The following DNAJC3 variants were observed in gnomAD, a reference collection of about 807,000 sequenced individuals.
The protein encoded by DNAJC3 is DnaJ heat shock protein family (Hsp40) member C3.
Under a neutral mutation model 68.6 loss-of-function variants are expected in DNAJC3, and 38 were observed. The ratio of observed to expected loss-of-function variants is 0.55; its 90% confidence interval spans 0.43 to 0.73. DNAJC3 has a LOEUF of 0.73. Among genes scored for constraint, DNAJC3 ranks in the 30% least tolerant of loss-of-function variants. DNAJC3 has a pLI of 0.00. For missense variants in DNAJC3, 526 were observed against 591.9 expected (o/e 0.89, Z 1.16); for synonymous variants, 203 against 204.0 (o/e 1.00, Z 0.04).
chr13:95,692,977 G>C (rs1880320494), intron 1 of DNAJC3: 1 of 152,034 alleles, frequency 6.6e-6, no homozygotes, highest in Admixed American at 6.5e-5. Context: ...CCCGCCACTG[G>C]GCCCAGCTAA....
Position 95,786,064 on chromosome 13 carries a change from G to C in DNAJC3, c.1201G>C (p.Val401Leu), listed in dbSNP as rs771083554. The change falls in exon 10 of 12, where the codon GTA becomes CTA. Residue 401 changes from valine (V) to leucine (L), a missense_variant. Coordinates refer to ENST00000602402, the MANE Select transcript of DNAJC3 (RefSeq NM_006260.5). The part of the protein sequence containing the change: ...QKRDYYKILG[V>L]KRNAKKQEII... ...ACGAGATTATTATAAAATCTTGGGA[G>C]TAAAAAGGTGAATTATTAATTTAAA... 5 of 1,596,278 alleles carry C rather than the reference G, an allele frequency of 3.1e-6. No homozygotes were observed. In the Admixed American group the frequency reaches 9.0e-5, roughly 29 times the overall value.
intron 11 of DNAJC3, among the ~76,000 whole-genome samples, chr13:95,788,810 G>A (rs1342360192): frequency 6.6e-6 from 1 of 152,164 alleles, no homozygotes; most frequent in Non-Finnish European, 1.5e-5. Context: ...TAACACCCTA[G>A]ATTAATTTTG....
At chr13:95,755,510 G>A (rs1882627725) in intron 4 of DNAJC3, among the ~76,000 whole-genome samples, 1 of 151,890 alleles carries the variant, frequency 6.6e-6, no homozygotes, top group Admixed American at 6.6e-5. Context: ...TGTAATCCCA[G>A]CACTTTGGGA....
In DNAJC3 at chr13:95,786,572, G is replaced by A. The variant is rs373307164; in HGVS notation, c.1209-435G>A. Among the ~76,000 whole-genome samples the A allele has an allele frequency of 1.2e-4, 19 of 152,226 alleles. No homozygotes were observed. The South Asian group carries it at 1.5e-3, about 12-fold the overall frequency. On this transcript the variant is annotated intron_variant, in intron 10 of 11. Transcript: ENST00000602402. ...TAAATGATATACCTCCCAGTGGTTC[G>A]CTGAGTAAACCATCAATTTTTCAAA...
chr13:95,703,557 G>A (rs1462892457), intron 1 of DNAJC3, among the ~76,000 whole-genome samples: 1 of 152,212 alleles, frequency 6.6e-6, no homozygotes, highest in Admixed American at 6.5e-5. Flanking sequence ...ACATGCATGT[G>A]TTCTTGAATG....
chr13:95,780,558 C>T (rs926661272), intron 9 of DNAJC3, among the ~76,000 whole-genome samples: 1 of 152,184 alleles, frequency 6.6e-6, no homozygotes, highest in African/African-American at 2.4e-5. Context: ...ATATTAGCAC[C>T]TGTCAGCAGC....
chr13:95,720,259 G>A (rs1004185016), intron 2 of DNAJC3, among the ~76,000 whole-genome samples: 5 of 152,130 alleles, frequency 3.3e-5, no homozygotes, highest in African/African-American at 1.2e-4. Flanking sequence ...AATTGATGGG[G>A]TTGTGTACTT....
At chr13:95,778,995 G>A (rs1883360161) in intron 9 of DNAJC3, among the ~76,000 whole-genome samples, 1 of 150,002 alleles carries the variant, frequency 6.7e-6, no homozygotes, top group Admixed American at 6.6e-5. Flanking sequence ...TTATTTCTGT[G>A]TTTGTTTGCC....
rs1158145050 is a variant in DNAJC3 at position 95,760,590 on chromosome 13, C to CA, written c.729-83dup. The stretch of plus-strand genomic sequence containing the variant: ...ATGGTTTTTGTTTAATCGTTGCAAA[C>CA]AAAAAATACTTTTATTGTGATTTCT... On this transcript the variant is annotated intron_variant, in intron 6 of 11. Coordinates refer to ENST00000602402, the MANE Select transcript of DNAJC3 (RefSeq NM_006260.5). 4 of 1,499,428 alleles carry CA rather than the reference C, an allele frequency of 2.7e-6. No homozygotes were observed. The African/African-American group carries it at 4.2e-5, about 16-fold the overall frequency. The allele number at this position is 1,499,428 out of a possible 1,614,324, so 92.9% of individuals were successfully genotyped here. A position where few individuals can be genotyped will look rare whatever the true frequency, so the allele number is the denominator to read the frequency against.
chr13:95,691,168 A>T (rs1171719448), intron 1 of DNAJC3, among the ~76,000 whole-genome samples: 1 of 145,190 alleles, frequency 6.9e-6, no homozygotes, highest in Non-Finnish European at 1.5e-5. Flanking sequence ...TCCCTCCCGG[A>T]CGGGGCTGCT....
At chr13:95,693,009 A>G (rs1040171601) in intron 1 of DNAJC3, 3 of 152,106 alleles carry the variant, frequency 2.0e-5, no homozygotes, top group Non-Finnish European at 2.9e-5. Flanking sequence ...TTTAGTAGAG[A>G]TGGGGTTTCA....
intron 9 of DNAJC3, among the ~76,000 whole-genome samples, chr13:95,782,801 T>TG (rs1388496756): frequency 6.6e-6 from 1 of 152,226 alleles, no homozygotes. Flanking sequence ...TCTTTTGCTG[T>TG]GGAGAAGCTC....
At chr13:95,742,644 T>C (rs2139660060) in intron 4 of DNAJC3, 1 of 516,286 alleles carries the variant, frequency 1.9e-6, no homozygotes, top group Non-Finnish European at 3.9e-6. Flanking sequence ...GTGTTTCCTG[T>C]TCCTTCTCTG....
chr13:95,704,236 A>C (rs747401283), intron 1 of DNAJC3, among the ~76,000 whole-genome samples: 7 of 152,208 alleles, frequency 4.6e-5, no homozygotes, highest in Non-Finnish European at 7.3e-5. Context: ...TGCCAGGACT[A>C]GAAACAGAAA....
chr13:95,683,463 G>A (rs1482838886), intron 1 of DNAJC3, among the ~76,000 whole-genome samples: 1 of 152,180 alleles, frequency 6.6e-6, no homozygotes, highest in South Asian at 2.1e-4. Context: ...TTGTTTAAAA[G>A]TGTGCAGTAT....
chr13:95,711,306 C>A (rs138414459), intron 2 of DNAJC3, among the ~76,000 whole-genome samples: 1 of 151,976 alleles, frequency 6.6e-6, no homozygotes, highest in Non-Finnish European at 1.5e-5. Context: ...GGGACCAGCC[C>A]GGACAACATG....
chr13:95,766,137 ATTC>A (rs1882987253), intron 9 of DNAJC3, among the ~76,000 whole-genome samples: 1 of 152,196 alleles, frequency 6.6e-6, no homozygotes, highest in African/African-American at 2.4e-5. Flanking sequence ...TGCTTTCCAT[ATTC>A]TTCTGCTTCC....
chr13:95,758,816 GTTTCA>G (rs1882740415), intron 5 of DNAJC3, among the ~76,000 whole-genome samples: 1 of 152,144 alleles, frequency 6.6e-6, no homozygotes, highest in South Asian at 2.1e-4. Flanking sequence ...TTGATATACA[GTTTCA>G]TTTAATTTTG....
Position 95,765,493 on chromosome 13 carries a change from T to C in DNAJC3, c.1075+1540T>C, listed in dbSNP as rs140548868. 8.6e-4 allele frequency among the ~76,000 whole-genome samples: 131 copies of C among 152,050 alleles called. 1 individual carries two copies. The highest frequency in any genetic ancestry group is 3.1e-3 in the African/African-American group (127 of 41,484). On this transcript the variant is annotated intron_variant, in intron 9 of 11. Coordinates refer to ENST00000602402, the MANE Select transcript of DNAJC3 (RefSeq NM_006260.5). ...TTGGAACTTGAATGTTAAACTGACT[T>C]GCTTTTTGGGGAAACCTGATGGCTT...
Sources: gnomAD v4.1 joint callset for allele counts (sites outside exome capture counted in the v4.1 genomes callset) on GRCh38, gnomAD v4.1.1 for gene constraint, MANE v1.5 for transcripts, NCBI Gene and HGNC (gene_info 2026-07-23, HGNC 2026-07-21) for gene names.